PPP2R2B: variants seen among roughly 807,000 people sequenced by gnomAD.
PPP2R2B encodes the protein protein phosphatase 2 regulatory subunit Bbeta, also known as serine/threonine-protein phosphatase 2A 55 kDa regulatory subunit B beta isoform.
A neutral mutation model predicts 46.0 loss-of-function variants in PPP2R2B; 5 were observed. The observed-to-expected ratio is 0.11, with a 90% CI of 0.06 to 0.23. The LOEUF (loss-of-function observed/expected upper bound fraction) is 0.23. Ranked by LOEUF, PPP2R2B falls within the 10% of genes least tolerant of loss-of-function variation. The probability of loss-of-function intolerance (pLI) is 1.00; values close to 1 mark genes in which losing one functional copy is unlikely to be tolerated. For synonymous variants in PPP2R2B, 215 were observed against 206.7 expected (o/e 1.04, Z -0.34); for missense variants, 367 against 575.0 (o/e 0.64, Z 3.70).
intron 2 of PPP2R2B, among the ~76,000 whole-genome samples, chr5:146,824,392 T>C (rs192847297): frequency 2.5e-4 from 38 of 152,334 alleles, no homozygotes; most frequent in Non-Finnish European, 2.9e-5. Flanking sequence ...CAGATACTGC[T>C]GGTAGAGCAG....
At chr5:146,620,799 G>T (rs1773617209) in intron 7 of PPP2R2B, among the ~76,000 whole-genome samples, 1 of 152,102 alleles carries the variant, frequency 6.6e-6, no homozygotes, top group South Asian at 2.1e-4. Context: ...CCAACAGGTA[G>T]CTTTGTGCAG....
At chr5:146,944,868 G>A (rs1764430535) in intron 1 of PPP2R2B, among the ~76,000 whole-genome samples, 2 of 152,204 alleles carry the variant, frequency 1.3e-5, no homozygotes, top group Admixed American at 6.5e-5. Flanking sequence ...GTCTCTCAGA[G>A]GAGTCTAATA....
At position 146,588,658 on chromosome 5, in the gene PPP2R2B, T is replaced by C. The variant is rs1015125951; in HGVS notation, c.*1289A>G. Reference sequence around the variant, plus strand: ...ATAGAACCTTCTGGAAATGGCTTTCTAGAAGTTATAAATCTGGATCCTCAA... The same window carrying C: ...ATAGAACCTTCTGGAAATGGCTTTCCAGAAGTTATAAATCTGGATCCTCAA... On this transcript the variant is annotated 3_prime_UTR_variant, in exon 10 of 10. Transcript: ENST00000394411. 2.0e-5 allele frequency: 3 copies of C among 152,218 alleles called. No homozygotes were observed. The East Asian group carries it at 5.8e-4, about 29-fold the overall frequency. The allele number at this position is 152,218 out of a possible 1,614,324, so 9.4% of individuals were successfully genotyped here.
At chr5:146,856,360 A>G (rs1760664614) in intron 2 of PPP2R2B, 1 of 636,852 alleles carries the variant, frequency 1.6e-6, no homozygotes, top group Non-Finnish European at 2.7e-6. Context: ...TACGGAACAA[A>G]TTTTAAGCAA....
At chr5:146,789,634 C>A (rs1756063572) in intron 2 of PPP2R2B, among the ~76,000 whole-genome samples, 1 of 151,906 alleles carries the variant, frequency 6.6e-6, no homozygotes, top group Admixed American at 6.6e-5. Flanking sequence ...TCCCTGCCCT[C>A]AAGGAGAGAG....
At chr5:146,637,714 C>T (rs959427163) in intron 7 of PPP2R2B, among the ~76,000 whole-genome samples, 23 of 152,178 alleles carry the variant, frequency 1.5e-4, no homozygotes, top group African/African-American at 5.5e-4. Flanking sequence ...CTCCAAGAAG[C>T]CACCAGCTCC....
chr5:146,972,261 A>T (rs561348899), intron 1 of PPP2R2B, among the ~76,000 whole-genome samples: 14 of 152,314 alleles, frequency 9.2e-5, no homozygotes, highest in Admixed American at 2.0e-4. Flanking sequence ...ATGTCATATC[A>T]GATGGTAGGT....
intron 7 of PPP2R2B, among the ~76,000 whole-genome samples, chr5:146,600,933 T>G (rs1027597751): frequency 6.6e-6 from 1 of 152,210 alleles, no homozygotes; most frequent in Non-Finnish European, 1.5e-5. Context: ...AAAAACTCCA[T>G]ATCCATTGGC....
chr5:146,839,978 C>A (rs1759528382), intron 2 of PPP2R2B, among the ~76,000 whole-genome samples: 1 of 152,212 alleles, frequency 6.6e-6, no homozygotes. Context: ...TTTAGCATCA[C>A]CTCTGGGCAA....
At chr5:146,842,760 C>A (rs1759741971) in intron 2 of PPP2R2B, among the ~76,000 whole-genome samples, 1 of 152,146 alleles carries the variant, frequency 6.6e-6, no homozygotes, top group Non-Finnish European at 1.5e-5. Context: ...TCTGTTCCTG[C>A]ATCAGTTTGC....
intron 2 of PPP2R2B, among the ~76,000 whole-genome samples, chr5:146,807,874 A>C (rs1291606664): frequency 1.5e-5 from 2 of 135,350 alleles, no homozygotes; most frequent in Non-Finnish European, 3.0e-5. Flanking sequence ...ATCTCAGCTC[A>C]CTGCAACCTC....
chr5:146,945,240 G>A (rs572703941), intron 1 of PPP2R2B, among the ~76,000 whole-genome samples: 35 of 152,220 alleles, frequency 2.3e-4, no homozygotes, highest in Non-Finnish European at 3.4e-4. Context: ...GTGAGGACTT[G>A]GATATGTTCT....
intron 1 of PPP2R2B, among the ~76,000 whole-genome samples, chr5:146,933,066 T>C (rs1233675116): frequency 6.6e-6 from 1 of 152,214 alleles, no homozygotes; most frequent in Non-Finnish European, 1.5e-5. Context: ...TAATTAAAGC[T>C]GGTTGTATTC....
chr5:146,699,362 T>G (rs1779402192), intron 3 of PPP2R2B, among the ~76,000 whole-genome samples: 1 of 152,268 alleles, frequency 6.6e-6, no homozygotes, highest in East Asian at 1.9e-4. Flanking sequence ...GTTTCTCGGA[T>G]TTAGTGCTCA....
chr5:146,922,658 T>C (rs1250866355), intron 1 of PPP2R2B: 2 of 152,342 alleles, frequency 1.3e-5, no homozygotes, highest in South Asian at 4.1e-4. Context: ...CCCACTATCC[T>C]GGTAACAGTA....
intron 8 of PPP2R2B, among the ~76,000 whole-genome samples, chr5:146,596,025 G>A (rs1771135111): frequency 6.6e-6 from 1 of 152,146 alleles, no homozygotes; most frequent in South Asian, 2.1e-4. Flanking sequence ...TTTCTCCAAA[G>A]GGCCGGATAG....
Position 146,998,225 on chromosome 5 carries a change from G to C in PPP2R2B, c.79+57440C>G, listed in dbSNP as rs1203034508. 2.0e-5 allele frequency among the ~76,000 whole-genome samples: 3 copies of C among 152,228 alleles called. No individual in the cohort carries two copies. In the South Asian group the frequency reaches 6.2e-4, roughly 31 times the overall value. ...GATTGTGTTTTTCTCTAAAAACTGA[G>C]AGTGAAGAGAAGTGAGGTAAACCTC... On this transcript the variant is annotated intron_variant, in intron 1 of 8. Transcript: ENST00000336640.
chr5:146,891,785 A>T (rs1762499050), intron 1 of PPP2R2B, among the ~76,000 whole-genome samples: 1 of 152,208 alleles, frequency 6.6e-6, no homozygotes, highest in Non-Finnish European at 1.5e-5. Context: ...GATAAAATAG[A>T]TGATCAGAAT....
chr5:146,736,542 A>G (rs978480381), intron 2 of PPP2R2B, among the ~76,000 whole-genome samples: 6 of 152,174 alleles, frequency 3.9e-5, no homozygotes, highest in African/African-American at 1.2e-4. Context: ...TCTAAAGCCC[A>G]TCTGCTTTAA....
Sources: gnomAD v4.1 joint callset for allele counts (sites outside exome capture counted in the v4.1 genomes callset) on GRCh38, gnomAD v4.1.1 for gene constraint, MANE v1.5 for transcripts, NCBI Gene and HGNC (gene_info 2026-07-23, HGNC 2026-07-21) for gene names.